Variants in NKX6-3 observed in about 807,000 individuals in gnomAD.
The protein encoded by NKX6-3 is homeobox protein Nkx-6.3.
NKX6-3 carries 17 observed loss-of-function variants against 22.0 expected under a neutral mutation model. The observed-to-expected ratio is 0.77, with a 90% CI of 0.53 to 1.16. NKX6-3 has a LOEUF of 1.16. Ranked by LOEUF, NKX6-3 falls within the 50% of genes most tolerant of loss-of-function variation. The pLI, the probability that NKX6-3 is intolerant of heterozygous loss-of-function variation, is 0.00. For missense variants in NKX6-3, 363 were observed against 359.0 expected, an observed-to-expected ratio of 1.01 and a Z score of -0.09; for synonymous variants, 177 against 167.2, an observed-to-expected ratio of 1.06 and a Z score of -0.45.
chr8:41,647,159 A>G, intron 2 of NKX6-3: 1 of 1,607,912 alleles, frequency 6.2e-7, no homozygotes, highest in East Asian at 2.2e-5. Context: ...ACGTAGGTCC[A>G]TTGCTTGGGA....
chr8:41,647,423 C>T (rs970805543), intron 2 of NKX6-3: 5 of 1,445,436 alleles, frequency 3.5e-6, no homozygotes, highest in African/African-American at 3.3e-5. Flanking sequence ...GACTCTAAGG[C>T]GGTAGAAACC....
In NKX6-3 at chr8:41,648,222, C is replaced by T. The variant is rs1563290065; in HGVS notation, c.396G>A (p.Leu132=). The T allele has an allele frequency of 2.0e-6, 3 of 1,536,070 alleles. No homozygotes were observed. Among genetic ancestry groups the T allele is most frequent in the Non-Finnish European group, 2.6e-6 (3 of 1,146,302 alleles). ...GRQCSNTPDP[L]SDSIHKKKHT... is the part of the protein sequence containing the mutation. ...GCTTCTTCTTGTGTATGCTGTCACT[C>T]AGGGGGTCTGGGGCTGGCAGGAGGA... Residue 132 remains leucine (L), a synonymous_variant, in exon 2 of 3, where the codon CTG becomes CTA. Transcript: ENST00000518699.
intron 1 of NKX6-3, among the ~76,000 whole-genome samples, chr8:41,648,928 A>G (rs778174920): frequency 6.6e-6 from 1 of 152,218 alleles, no homozygotes; most frequent in African/African-American, 2.4e-5. Flanking sequence ...GCACAGAGAG[A>G]GGAAGAGCCC....
rs1242083018 is a variant in NKX6-3 at position 41,645,266 on chromosome 8, T to A, written c.*1183A>T. On this transcript the variant is annotated 3_prime_UTR_variant, in exon 3 of 3. Transcript: ENST00000518699. ...CTTGGTCCCTTCTGGGCTGCATTCC[T>A]ATCTAAGACCAGCCCTCACCCGCCT... 6.6e-6 allele frequency: 1 copy of A among 152,260 alleles called. No homozygotes were observed. Among genetic ancestry groups the A allele is most frequent in the African/African-American group, 2.4e-5 (1 of 41,464 alleles). 9.4% of individuals were successfully genotyped at this position (152,260 alleles called of 1,614,324 possible).
In NKX6-3 at chr8:41,650,649, A is replaced by ACCGGCCCAGGC. The variant is rs1804301104; in HGVS notation, c.-158_-157insGCCTGGGCCGG. 1.4e-6 allele frequency: 1 copy of ACCGGCCCAGGC among 730,538 alleles called. No homozygotes were observed. The highest frequency in any genetic ancestry group is 1.8e-5 in the African/African-American group (1 of 55,716). 45.3% of individuals were successfully genotyped at this position (730,538 alleles called of 1,614,324 possible). On this transcript the variant is annotated 5_prime_UTR_variant, in exon 1 of 3. Coordinates refer to ENST00000518699, the MANE Select transcript of NKX6-3 (RefSeq NM_001364841.2). ...GGCATGGGCCAGGCCCTGGCCCAGG[A>ACCGGCCCAGGC]ACCGGCACCCGATCAGCTGCTCGGA... is the stretch of plus-strand genomic sequence containing the variant.
At chr8:41,646,736 G>A (rs1329524808) in intron 2 of NKX6-3, 42 bp from the exon 3 acceptor site, 2 of 1,518,992 alleles carry the variant, frequency 1.3e-6, no homozygotes, top group Admixed American at 2.3e-5. Context: ...GGCACAGCGC[G>A]CACGGGACGC....
chr8:41,650,232 C>T lies in NKX6-3; in HGVS notation c.261G>A (p.Gly87=), dbSNP rs550433049. The T allele has an allele frequency of 9.1e-6, 14 of 1,533,270 alleles. No homozygotes were observed. The African/African-American group carries it at 1.2e-4, about 14-fold the overall frequency. 95.0% of individuals were successfully genotyped at this position (1,533,270 alleles called of 1,614,324 possible). A position where few individuals can be genotyped will look rare whatever the true frequency, so the allele number is the denominator to read the frequency against. The change falls in exon 1 of 3, where the codon GGG becomes GGA. Residue 87 remains glycine, a synonymous_variant. Coordinates refer to ENST00000518699, the MANE Select transcript of NKX6-3 (RefSeq NM_001364841.2). The part of the protein sequence containing the change: ...VAGFGGLSSQ[G]VYYSPQVGNF... The stretch of plus-strand genomic sequence containing the variant: ...TCCCTACCTGGGGGCTGTAGTAGAC[C>T]CCCTGCGAGCTGAGCCCCCCAAAGC...
At position 41,650,138 on chromosome 8, in the gene NKX6-3, A is replaced by T. The variant is rs1327616239; in HGVS notation, c.355T>A (p.Trp119Arg). The stretch of plus-strand genomic sequence containing the variant: ...TTGCTGCACTGCCGCCCGCCTCGCC[A>T]GTCTTGGCCCGTGTCCGCCCAGCAG... ...RNCWADTGQD[W>R]RGGRQCSNTP... The change falls in exon 1 of 3, where the codon TGG (tryptophan) becomes AGG (arginine). Residue 119 changes from tryptophan (W) to arginine (R), a missense_variant. Transcript: ENST00000518699. 2.6e-6 allele frequency: 4 copies of T among 1,535,408 alleles called. No homozygotes were observed. In the East Asian group the frequency reaches 7.3e-5, roughly 28 times the overall value.
Position 41,646,353 on chromosome 8 carries a change from T to C in NKX6-3, c.*96A>G. ...CTCATCCAAAGAAAGACTCAGTCCC[T>C]GCGCCCCCAGGAGCGTGGGGAAGGG... On this transcript the variant is annotated 3_prime_UTR_variant, in exon 3 of 3. Transcript: ENST00000518699. The C allele has an allele frequency of 6.9e-7, 1 of 1,450,072 alleles. No individual in the cohort carries two copies. The allele number at this position is 1,450,072 out of a possible 1,614,324, so 89.8% of individuals were successfully genotyped here.
intron 1 of NKX6-3, among the ~76,000 whole-genome samples, chr8:41,649,500 C>G (rs1477833876): frequency 6.6e-6 from 1 of 152,204 alleles, no homozygotes; most frequent in South Asian, 2.1e-4. Context: ...TGAGAAGAGG[C>G]CCCCTGCTTC....
rs1158988509 is a variant in NKX6-3, at chr8:41,650,561, A to G, written c.-69T>C. On this transcript the variant is annotated 5_prime_UTR_variant, in exon 1 of 3. Transcript: ENST00000518699. Reference sequence around the variant, plus strand: ...ACCCAAGAGCCCACTCTCTAGCCCCAAATCTCATGGCAGGCCTGGAGGCTT... The same window carrying G: ...ACCCAAGAGCCCACTCTCTAGCCCCGAATCTCATGGCAGGCCTGGAGGCTT... The G allele has an allele frequency of 1.4e-6, 2 of 1,458,188 alleles. No homozygotes were observed. Among genetic ancestry groups the G allele is most frequent in the Non-Finnish European group, 1.8e-6 (2 of 1,092,230 alleles). The allele number at this position is 1,458,188 out of a possible 1,614,324, so 90.3% of individuals were successfully genotyped here.
intron 1 of NKX6-3, among the ~76,000 whole-genome samples, chr8:41,649,765 CCTGGGCTGCAGAAGCCAG>C (rs1238226803): frequency 6.6e-6 from 1 of 152,136 alleles, no homozygotes; most frequent in Non-Finnish European, 1.5e-5. Flanking sequence ...TTGCATGGGC[CCTGGGCTGCAGAAGCCAG>C]CTGGGCTGCC....
At position 41,646,153 on chromosome 8, in the gene NKX6-3, G is replaced by T; in HGVS notation, c.*296C>A. 1 of 520,190 alleles carries T rather than the reference G, an allele frequency of 1.9e-6. No individual in the cohort carries two copies. The highest frequency in any genetic ancestry group is 3.4e-6 in the Non-Finnish European group (1 of 295,362). The allele number at this position is 520,190 out of a possible 1,614,324, so 32.2% of individuals were successfully genotyped here. A position where few individuals can be genotyped will look rare whatever the true frequency, so the allele number is the denominator to read the frequency against. On this transcript the variant is annotated 3_prime_UTR_variant, in exon 3 of 3. Coordinates refer to ENST00000518699, the MANE Select transcript of NKX6-3 (RefSeq NM_001364841.2). Reference sequence around the variant, plus strand: ...ACTTGTGAATCTGCAGAACTGGCAGGCGAGGCCCGAGGAGGTGCAAGGGGC... The same window carrying T: ...ACTTGTGAATCTGCAGAACTGGCAGTCGAGGCCCGAGGAGGTGCAAGGGGC...
rs1343600258 is a variant in NKX6-3 at position 41,646,576 on chromosome 8, G to A, written c.671C>T (p.Ser224Leu). The A allele has an allele frequency of 6.3e-7, 1 of 1,592,490 alleles. No homozygotes were observed. The highest frequency in any genetic ancestry group is 8.5e-7 in the Non-Finnish European group (1 of 1,170,140). The change falls in exon 3 of 3, where the codon TCG becomes TTG. Residue 224 changes from serine to leucine, a missense_variant. Ser to Leu is a moderately radical substitution (Grantham distance 145). Coordinates refer to ENST00000518699, the MANE Select transcript of NKX6-3 (RefSeq NM_001364841.2). ...GTTGTACTCGTCGTCCTCGTTCTCC[G>A]AGGGTGCGCGGTCCCCGCCTGCGCC... ...GAGAGGDRAP[S>L]ENEDDEYNKP...
chr8:41,647,445 G>GA, intron 2 of NKX6-3: 1 of 1,379,746 alleles, frequency 7.2e-7, no homozygotes, highest in Non-Finnish European at 9.7e-7. Context: ...GTTTCCCCGG[G>GA]TCTATTTAGG....
chr8:41,647,138 T>C (rs1804228567), intron 2 of NKX6-3: 2 of 1,573,746 alleles, frequency 1.3e-6, no homozygotes, highest in African/African-American at 1.4e-5. Context: ...CCCTAGTTAG[T>C]TAGAAAAGTA....
At chr8:41,649,294 G>C (rs1333969197) in intron 1 of NKX6-3, among the ~76,000 whole-genome samples, 21 of 152,150 alleles carry the variant, frequency 1.4e-4, no homozygotes, top group Admixed American at 1.3e-3. Context: ...CATTGGCGTA[G>C]GAGAGCCCGG....
chr8:41,650,565 C>A lies in NKX6-3; in HGVS notation c.-73G>T. 1 of 1,442,612 alleles carries A rather than the reference C, an allele frequency of 6.9e-7. No homozygotes were observed. Among genetic ancestry groups the A allele is most frequent in the South Asian group, 1.3e-5 (1 of 76,170 alleles). The allele number at this position is 1,442,612 out of a possible 1,614,324, so 89.4% of individuals were successfully genotyped here. A position where few individuals can be genotyped will look rare whatever the true frequency, so the allele number is the denominator to read the frequency against. On this transcript the variant is annotated 5_prime_UTR_variant, in exon 1 of 3. Coordinates refer to ENST00000518699, the MANE Select transcript of NKX6-3 (RefSeq NM_001364841.2). ...AAGAGCCCACTCTCTAGCCCCAAAT[C>A]TCATGGCAGGCCTGGAGGCTTAGGA... is the stretch of plus-strand genomic sequence containing the variant.
Position 41,646,431 on chromosome 8 carries a change from G to C in NKX6-3, c.*18C>G, listed in dbSNP as rs762037957. 1.3e-6 allele frequency: 2 copies of C among 1,579,138 alleles called. No individual in the cohort carries two copies. Among genetic ancestry groups the C allele is most frequent in the Non-Finnish European group, 1.7e-6 (2 of 1,166,730 alleles). On this transcript the variant is annotated 3_prime_UTR_variant, in exon 3 of 3. Transcript: ENST00000518699. ...CCCCGCAGGCTGCAGCCAGGATCCC[G>C]GGCCTGGACGGCGGGCGTCAGACGC...
Sources: gnomAD v4.1 joint callset for allele counts (sites outside exome capture counted in the v4.1 genomes callset) on GRCh38, gnomAD v4.1.1 for gene constraint, MANE v1.5 for transcripts, NCBI Gene and HGNC (gene_info 2026-07-23, HGNC 2026-07-21) for gene names.